The following TADA3 variants were observed in gnomAD, a reference collection of about 807,000 sequenced individuals.
TADA3 encodes the protein transcriptional adapter 3.
Under a neutral mutation model 43.2 loss-of-function variants are expected in TADA3, and 25 were observed. The observed-to-expected ratio is 0.58, with a 90% CI of 0.42 to 0.81. TADA3 has a LOEUF of 0.81. TADA3 is among the 30% of genes least tolerant of loss of function. TADA3 has a pLI of 0.00. For synonymous variants in TADA3, 235 were observed against 225.5 expected, an observed-to-expected ratio of 1.04 and a Z score of -0.38; for missense variants, 441 against 567.8, an observed-to-expected ratio of 0.78 and a Z score of 2.27.
In TADA3 at chr3:9,780,173, G is replaced by A. The variant is rs1295018331; in HGVS notation, c.*184C>T. On this transcript the variant is annotated 3_prime_UTR_variant, in exon 9 of 9. Coordinates refer to ENST00000301964, the MANE Select transcript of TADA3 (RefSeq NM_006354.5). The stretch of plus-strand genomic sequence containing the variant: ...ACTAGGCCTCAGGCTAGCCCAGCAG[G>A]GCTTCCTGTGTCCTGGTTGTACAGA... 5 of 561,048 alleles carry A rather than the reference G, an allele frequency of 8.9e-6. No homozygotes were observed. The highest frequency in any genetic ancestry group is 1.5e-5 in the Non-Finnish European group (5 of 328,042). 34.8% of individuals were successfully genotyped at this position (561,048 alleles called of 1,614,324 possible).
At chr3:9,782,988 T>C (rs1415876985) in intron 8 of TADA3, 3 of 152,200 alleles carry the variant, frequency 2.0e-5, no homozygotes, top group Non-Finnish European at 4.4e-5. Context: ...CAGAACAAGA[T>C]GGATGGGAGT....
intron 8 of TADA3, chr3:9,783,710 G>A (rs565216534): frequency 1.4e-5 from 3 of 207,668 alleles, no homozygotes; most frequent in Non-Finnish European, 2.9e-5. Context: ...CCTGGGAGGC[G>A]GAGCTTGCAG....
chr3:9,790,862 T>G (rs2078712226), intron 2 of TADA3, among the ~76,000 whole-genome samples: 2 of 152,188 alleles, frequency 1.3e-5, no homozygotes, highest in African/African-American at 2.4e-5. Flanking sequence ...ATGCCAGGAT[T>G]CAAATCCAGG....
intron 4 of TADA3, 95 bp downstream of exon 4, chr3:9,789,413 GA>G: frequency 8.7e-7 from 1 of 1,153,788 alleles, no homozygotes; most frequent in Non-Finnish European, 1.2e-6. Flanking sequence ...CAGGGTTGGG[GA>G]AGGAAGATGA....
chr3:9,785,425 C>T lies in TADA3; in HGVS notation c.811G>A (p.Glu271Lys). 1.2e-6 allele frequency: 2 copies of T among 1,606,818 alleles called. No individual in the cohort carries two copies. The highest frequency in any genetic ancestry group is 1.7e-6 in the Non-Finnish European group (2 of 1,173,670). Residue 271 changes from glutamate (E) to lysine (K), a missense_variant and splice_region_variant, in exon 7 of 9, where the codon GAA (glutamate) becomes AAA (lysine). Physicochemically the swap from Glu to Lys is moderately conservative, Grantham distance 56 (BLOSUM62 1). Coordinates refer to ENST00000301964, the MANE Select transcript of TADA3 (RefSeq NM_006354.5). ...TCCTCCATAGGGGAAATAATATTTT[C>T]CTAGAAGACCACAAAAATGAGTGGA... ...TQRLLQALVE[E>K]NIISPMEDSP... is the part of the protein sequence containing the mutation.
In TADA3 at chr3:9,780,946, C is replaced by T. The variant is rs572045502; in HGVS notation, c.1107-397G>A. 2.0e-5 allele frequency among the ~76,000 whole-genome samples: 3 copies of T among 152,168 alleles called. No individual in the cohort carries two copies. The East Asian group carries it at 5.8e-4, about 29-fold the overall frequency. On this transcript the variant is annotated intron_variant, in intron 8 of 8. Transcript: ENST00000301964. Reference sequence around the variant, plus strand: ...TTGAGCCCAGGAGTTCGAGACCAGTCTGAGCAACATAGTGAGACTGTCTCT... The same window carrying T: ...TTGAGCCCAGGAGTTCGAGACCAGTTTGAGCAACATAGTGAGACTGTCTCT...
chr3:9,781,398 TG>T (rs1402802565), intron 8 of TADA3: 4 of 423,426 alleles, frequency 9.4e-6, no homozygotes, highest in Non-Finnish European at 2.0e-5. Context: ...ATTATTCATA[TG>T]TTACCCGTGA....
At chr3:9,784,864 C>CAAAA (rs56673103) in intron 7 of TADA3, among the ~76,000 whole-genome samples, 1 of 97,396 alleles carries the variant, frequency 1.0e-5, no homozygotes, top group East Asian at 2.8e-4. Context: ...GACTCCATCT[C>CAAAA]AAAAAAAAAA....
At chr3:9,786,181 C>T (rs1334414152) in intron 6 of TADA3, among the ~76,000 whole-genome samples, 8 of 152,190 alleles carry the variant, frequency 5.3e-5, no homozygotes, top group South Asian at 2.1e-4. Context: ...CCTTGTGATC[C>T]GCCCGCCTCA....
rs1575294525 is a variant in TADA3 at position 9,782,690 on chromosome 3, C to T, written c.1106+1338G>A. ...CCTGTAATCCCAACTACTCAGGAGG[C>T]TGAGGCAGGAGAACTGCCTGAACCC... On this transcript the variant is annotated intron_variant, in intron 8 of 8. Coordinates refer to ENST00000301964, the MANE Select transcript of TADA3 (RefSeq NM_006354.5). 2.0e-5 allele frequency among the ~76,000 whole-genome samples: 3 copies of T among 151,380 alleles called. No individual in the cohort carries two copies. The East Asian group carries it at 5.8e-4, about 29-fold the overall frequency.
chr3:9,788,695 G>A (rs146248584), intron 4 of TADA3, among the ~76,000 whole-genome samples: 4 of 150,790 alleles, frequency 2.7e-5, no homozygotes, highest in East Asian at 2.0e-4. Flanking sequence ...GCATGCCACC[G>A]TGCCAGGCTA....
At chr3:9,789,986 CT>C (rs2078697221) in intron 2 of TADA3, 23 bp from the exon 3 acceptor site, 2 of 1,566,554 alleles carry the variant, frequency 1.3e-6, no homozygotes, top group Non-Finnish European at 1.7e-6. Flanking sequence ...GAAAGTGTCA[CT>C]GAGGGGGAGA....
intron 4 of TADA3, among the ~76,000 whole-genome samples, chr3:9,788,403 G>A (rs1384528302): frequency 6.6e-6 from 1 of 151,704 alleles, no homozygotes; most frequent in Non-Finnish European, 1.5e-5. Context: ...CCGCCACCAC[G>A]CCCGGCTAAT....
rs1575289907 is a variant in TADA3, at chr3:9,780,481, A to G, written c.1175T>C (p.Met392Thr). 1.2e-6 allele frequency: 2 copies of G among 1,610,948 alleles called. No homozygotes were observed. The highest frequency in any genetic ancestry group is 4.5e-5 in the East Asian group (2 of 44,872). Residue 392 changes from methionine (M) to threonine (T), a missense_variant, in exon 9 of 9, where the codon ATG becomes ACG. Transcript: ENST00000301964. The stretch of plus-strand genomic sequence containing the variant: ...AGCCATGATCTTGCGAAAGGCGTCC[A>G]TGACCTCGTTGTCAGCCATGCGCAC... Reference protein sequence around the residue: ...QRVRMADNEVMDAFRKIMAAR... With the variant: ...QRVRMADNEVTDAFRKIMAAR...
At position 9,789,589 on chromosome 3, in the gene TADA3, A is replaced by G; in HGVS notation, c.484T>C (p.Cys162Arg). 1 of 1,614,190 alleles carries G rather than the reference A, an allele frequency of 6.2e-7. No homozygotes were observed. Reference sequence around the variant, plus strand: ...ACCTCCTCGCTGGTGATGTCAGCACAGTAGGGCTCCACTGAAGCCCAGAAC... The same window carrying G: ...ACCTCCTCGCTGGTGATGTCAGCACGGTAGGGCTCCACTGAAGCCCAGAAC... ...NRFWASVEPY[C>R]ADITSEEVRT... is the part of the protein sequence containing the mutation. Residue 162 changes from cysteine to arginine, a missense_variant, in exon 4 of 9, where the codon TGT (cysteine) becomes CGT (arginine). Physicochemically the swap from Cys to Arg is radical, Grantham distance 180 (BLOSUM62 -3). Transcript: ENST00000301964.
chr3:9,787,597 T>C (rs2078646109), intron 4 of TADA3: 1 of 1,096,556 alleles, frequency 9.1e-7, no homozygotes, highest in Non-Finnish European at 1.3e-6. Context: ...AGGTGCAGAA[T>C]ACGTACACAG....
Position 9,780,100 on chromosome 3 carries a change from A to C in TADA3, c.*257T>G. The C allele has an allele frequency of 2.6e-6, 1 of 387,702 alleles. No homozygotes were observed. Among genetic ancestry groups the C allele is most frequent in the Non-Finnish European group, 4.6e-6 (1 of 216,324 alleles). 24.0% of individuals were successfully genotyped at this position (387,702 alleles called of 1,614,324 possible). A position where few individuals can be genotyped will look rare whatever the true frequency, so the allele number is the denominator to read the frequency against. On this transcript the variant is annotated 3_prime_UTR_variant, in exon 9 of 9. Transcript: ENST00000301964. ...GGATGGTAAAGAGGGGAAGAGGAAG[A>C]CCCAGAAACGAAGTCCCCTCCAACC...
At position 9,780,055 on chromosome 3, in the gene TADA3, G is replaced by A; in HGVS notation, c.*302C>T. On this transcript the variant is annotated 3_prime_UTR_variant, in exon 9 of 9. Transcript: ENST00000301964. ...AGAAGTCCTTGAAGGGGAGACAGGGGTAGGGGATTAGGGAGTGGGGGATGG... is the reference window on the plus strand; with the variant it reads ...AGAAGTCCTTGAAGGGGAGACAGGGATAGGGGATTAGGGAGTGGGGGATGG... 3.4e-6 allele frequency: 1 copy of A among 293,294 alleles called. No homozygotes were observed. The highest frequency in any genetic ancestry group is 6.3e-6 in the Non-Finnish European group (1 of 158,458). The allele number at this position is 293,294 out of a possible 1,614,324, so 18.2% of individuals were successfully genotyped here. A position where few individuals can be genotyped will look rare whatever the true frequency, so the allele number is the denominator to read the frequency against.
chr3:9,785,657 A>G (rs2078590206), intron 6 of TADA3, among the ~76,000 whole-genome samples: 1 of 152,210 alleles, frequency 6.6e-6, no homozygotes, highest in African/African-American at 2.4e-5. Flanking sequence ...AATGATTAAC[A>G]CTCAATGATG....
Sources: allele counts gnomAD v4.1 joint callset (sites outside exome capture counted in the v4.1 genomes callset), GRCh38; gene constraint gnomAD v4.1.1; transcripts MANE v1.5; gene names NCBI Gene and HGNC (gene_info 2026-07-23, HGNC 2026-07-21).